The following NRG3 variants were observed in gnomAD, a reference collection of about 807,000 sequenced individuals.
NRG3 encodes the protein pro-neuregulin-3, membrane-bound isoform.
Under a neutral mutation model 66.9 loss-of-function variants are expected in NRG3, and 31 were observed. The observed-to-expected ratio is 0.46, with a 90% CI of 0.35 to 0.63. The LOEUF (loss-of-function observed/expected upper bound fraction) is 0.63. Among genes scored for constraint, NRG3 ranks in the 20% least tolerant of loss-of-function variants. The pLI is 0.00. For missense variants in NRG3, 910 were observed against 878.9 expected (o/e 1.04, Z -0.45); for synonymous variants, 393 against 359.4 (o/e 1.09, Z -1.06).
intron 2 of NRG3, among the ~76,000 whole-genome samples, chr10:82,719,723 C>T (rs2057183665): frequency 6.6e-6 from 1 of 152,158 alleles, no homozygotes; most frequent in African/African-American, 2.4e-5. Context: ...ATGAGAATGG[C>T]TTCATGCTGT....
intron 2 of NRG3, among the ~76,000 whole-genome samples, chr10:82,487,563 GC>G (rs1041389045): frequency 2.0e-5 from 3 of 152,062 alleles, no homozygotes; most frequent in African/African-American, 7.2e-5. Flanking sequence ...ATGACCAGAG[GC>G]CATTGCTAAT....
intron 1 of NRG3, among the ~76,000 whole-genome samples, chr10:82,322,437 G>A (rs1160224529): frequency 6.6e-6 from 1 of 152,072 alleles, no homozygotes; most frequent in Non-Finnish European, 1.5e-5. Flanking sequence ...TATAGAAAAG[G>A]ATCAGGGAGA....
At chr10:82,217,222 A>G (rs2484889) in intron 1 of NRG3, among the ~76,000 whole-genome samples, 1 of 152,068 alleles carries the variant, frequency 6.6e-6, no homozygotes, top group Non-Finnish European at 1.5e-5. Flanking sequence ...GGCTGGCCAT[A>G]TTTGTCATGT....
At chr10:82,951,619 G>A (rs555719961) in intron 5 of NRG3, 48 bp downstream of exon 5, 8 of 1,507,358 alleles carry the variant, frequency 5.3e-6, no homozygotes, top group South Asian at 2.3e-5. Flanking sequence ...TAGAGAAAGC[G>A]CTTTGTGTTA....
At chr10:82,131,225 C>G (rs2068794802) in intron 1 of NRG3, among the ~76,000 whole-genome samples, 1 of 152,006 alleles carries the variant, frequency 6.6e-6, no homozygotes, top group South Asian at 2.1e-4. Flanking sequence ...CTGTATATGG[C>G]AAGAGATAGG....
chr10:82,681,354 A>G (rs1002054460), intron 2 of NRG3, among the ~76,000 whole-genome samples: 1 of 152,244 alleles, frequency 6.6e-6, no homozygotes, highest in Admixed American at 6.5e-5. Flanking sequence ...GGTAATGTCA[A>G]TTGAAACAAT....
chr10:82,299,549 G>GT (rs757766628), intron 1 of NRG3, among the ~76,000 whole-genome samples: 3,220 of 147,296 alleles, frequency 0.022, 57 homozygotes, highest in South Asian at 0.052. Flanking sequence ...ATCCAGCCCT[G>GT]TTTTTTTTTT....
At chr10:82,165,451 A>C (rs1027762603) in intron 1 of NRG3, among the ~76,000 whole-genome samples, 18 of 152,172 alleles carry the variant, frequency 1.2e-4, no homozygotes, top group African/African-American at 4.1e-4. Flanking sequence ...TAGGCAAAAT[A>C]GCTTATTTAT....
At chr10:82,208,355 T>C (rs1179083348) in intron 1 of NRG3, among the ~76,000 whole-genome samples, 1 of 152,164 alleles carries the variant, frequency 6.6e-6, no homozygotes, top group African/African-American at 2.4e-5. Flanking sequence ...TTAGGTATTT[T>C]GGAAAACTAC....
intron 1 of NRG3, among the ~76,000 whole-genome samples, chr10:81,962,684 G>T: frequency 6.6e-6 from 1 of 152,168 alleles, no homozygotes; most frequent in East Asian, 1.9e-4. Flanking sequence ...GGGAAAGCTT[G>T]GCTAGCGGAG....
intron 1 of NRG3, among the ~76,000 whole-genome samples, chr10:81,977,644 C>A (rs2060174406): frequency 1.3e-5 from 2 of 152,136 alleles, no homozygotes; most frequent in South Asian, 4.1e-4. Flanking sequence ...TTAAAACAAA[C>A]CACATTATGG....
chr10:81,970,196 ATAGGC>A (rs2059880652), intron 1 of NRG3, among the ~76,000 whole-genome samples: 24 of 152,232 alleles, frequency 1.6e-4, no homozygotes, highest in Admixed American at 1.6e-3. Context: ...GAAAAGTAAA[ATAGGC>A]AGTGAGGAAG....
intron 4 of NRG3, among the ~76,000 whole-genome samples, chr10:82,881,753 G>A (rs886618808): frequency 2.0e-5 from 3 of 152,094 alleles, no homozygotes; most frequent in East Asian, 1.9e-4. Flanking sequence ...AATGTCCACC[G>A]CTGATGGTTC....
chr10:82,942,866 GA>G (rs1230863608), intron 4 of NRG3, among the ~76,000 whole-genome samples: 1 of 152,058 alleles, frequency 6.6e-6, no homozygotes, highest in Non-Finnish European at 1.5e-5. Flanking sequence ...ATTCCCCAAA[GA>G]GGTCTGCTTG....
chr10:82,620,154 G>A (rs2048944561), intron 2 of NRG3, among the ~76,000 whole-genome samples: 1 of 152,156 alleles, frequency 6.6e-6, no homozygotes, highest in East Asian at 1.9e-4. Context: ...ATATTACAAT[G>A]CTCTCTTAGC....
chr10:82,399,564 C>T (rs979300701), intron 2 of NRG3, among the ~76,000 whole-genome samples: 1 of 152,138 alleles, frequency 6.6e-6, no homozygotes, highest in African/African-American at 2.4e-5. Flanking sequence ...GGTGAGGGTC[C>T]TCCTCCAGGT....
At chr10:82,956,959 A>T (rs765828738) in intron 5 of NRG3, among the ~76,000 whole-genome samples, 7 of 152,056 alleles carry the variant, frequency 4.6e-5, no homozygotes, top group Non-Finnish European at 8.8e-5. Flanking sequence ...GAAATATCTT[A>T]AAAAACAGAG....
chr10:82,406,353 AC>A (rs1246449246), intron 2 of NRG3, among the ~76,000 whole-genome samples: 2 of 152,190 alleles, frequency 1.3e-5, no homozygotes, highest in African/African-American at 4.8e-5. Flanking sequence ...TCATATCTCT[AC>A]AGCACATTGT....
chr10:82,414,676 T>A (rs1309037162), intron 2 of NRG3, among the ~76,000 whole-genome samples: 1 of 152,090 alleles, frequency 6.6e-6, no homozygotes, highest in Non-Finnish European at 1.5e-5. Flanking sequence ...AAGGAATGAA[T>A]AAATATGGTT....
Sources: gnomAD v4.1 joint callset for allele counts (sites outside exome capture counted in the v4.1 genomes callset) on GRCh38, gnomAD v4.1.1 for gene constraint, MANE v1.5 for transcripts, NCBI Gene and HGNC (gene_info 2026-07-23, HGNC 2026-07-21) for gene names.